CNTNAP4: variants seen among roughly 807,000 people sequenced by gnomAD.
CNTNAP4 encodes the protein contactin-associated protein-like 4.
CNTNAP4 carries 98 observed loss-of-function variants against 148.4 expected under a neutral mutation model. The ratio of observed to expected loss-of-function variants is 0.66; its 90% CI spans 0.56 to 0.78. CNTNAP4 has a LOEUF of 0.78. Ranked by LOEUF, CNTNAP4 falls within the 30% of genes least tolerant of loss-of-function variation. The pLI, the probability that CNTNAP4 is intolerant of heterozygous loss-of-function variation, is 0.00. For missense variants in CNTNAP4, 1,935 were observed against 1,565.6 expected, an observed-to-expected ratio of 1.24 and a Z score of -3.98; for synonymous variants, 730 against 565.1, an observed-to-expected ratio of 1.29 and a Z score of -4.14.
chr16:76,427,685 A>T (rs1005004682), intron 4 of CNTNAP4, 86 bp downstream of exon 4: 8 of 1,299,516 alleles, frequency 6.2e-6, no homozygotes, highest in Non-Finnish European at 7.3e-6. Flanking sequence ...TGGACTTTTT[A>T]GCTACATAAA....
intron 1 of CNTNAP4, among the ~76,000 whole-genome samples, chr16:76,294,321 T>A (rs1959186973): frequency 6.6e-6 from 1 of 152,220 alleles, no homozygotes; most frequent in Admixed American, 6.5e-5. Context: ...TGGTAACCTG[T>A]GTGTTTCCTC....
chr16:76,490,783 A>AT (rs1373618608), intron 13 of CNTNAP4, among the ~76,000 whole-genome samples: 1 of 152,030 alleles, frequency 6.6e-6, no homozygotes, highest in Non-Finnish European at 1.5e-5. Flanking sequence ...CACCCTGCCT[A>AT]TACAACCCTC....
intron 4 of CNTNAP4, among the ~76,000 whole-genome samples, chr16:76,435,569 C>T (rs1384734459): frequency 6.6e-6 from 1 of 152,134 alleles, no homozygotes; most frequent in Non-Finnish European, 1.5e-5. Flanking sequence ...TTCAAAGATG[C>T]AGATGCTGCC....
chr16:76,491,273 A>G (rs12446924), intron 13 of CNTNAP4, among the ~76,000 whole-genome samples: 28,742 of 152,128 alleles, frequency 0.19, 2,970 homozygotes, highest in Admixed American at 0.32. Flanking sequence ...TGAGGATCAG[A>G]CAGTTGTAGT....
intron 15 of CNTNAP4, among the ~76,000 whole-genome samples, chr16:76,513,152 C>T (rs889853663): frequency 1.5e-4 from 23 of 152,056 alleles, no homozygotes; most frequent in African/African-American, 5.3e-4. Context: ...GCATTGTGGA[C>T]GGTTAATTCA....
chr16:76,413,031 A>G (rs1453531214), intron 3 of CNTNAP4, among the ~76,000 whole-genome samples: 1 of 151,384 alleles, frequency 6.6e-6, no homozygotes, highest in Non-Finnish European at 1.5e-5. Flanking sequence ...ATGTTTTGAT[A>G]CATGCATGCA....
At chr16:76,452,449 C>G (rs1377863439) in intron 7 of CNTNAP4, 59 bp from the exon 8 acceptor site, 4 of 1,552,006 alleles carry the variant, frequency 2.6e-6, no homozygotes, top group Non-Finnish European at 3.5e-6. Flanking sequence ...CCTTCAAATT[C>G]TGTTACTAAT....
chr16:76,334,187 TAATAA>T (rs1963814966), intron 2 of CNTNAP4, among the ~76,000 whole-genome samples: 1 of 151,186 alleles, frequency 6.6e-6, no homozygotes, highest in Non-Finnish European at 1.5e-5. Flanking sequence ...ATAATAATAA[TAATAA>T]TAATAATAAT....
chr16:76,474,613 G>T (rs533130786), intron 10 of CNTNAP4, among the ~76,000 whole-genome samples: 17 of 151,962 alleles, frequency 1.1e-4, no homozygotes, highest in Non-Finnish European at 1.8e-4. Context: ...TTATTTAGTC[G>T]TTAATCTGTA....
At chr16:76,409,360 A>G (rs2144903252) in intron 3 of CNTNAP4, among the ~76,000 whole-genome samples, 1 of 152,122 alleles carries the variant, frequency 6.6e-6, no homozygotes, top group Admixed American at 6.6e-5. Flanking sequence ...CATCATTAAA[A>G]TAACATGCAA....
At chr16:76,448,450 C>A (rs542191662) in intron 5 of CNTNAP4, among the ~76,000 whole-genome samples, 2 of 152,110 alleles carry the variant, frequency 1.3e-5, no homozygotes, top group African/African-American at 4.8e-5. Context: ...TATTTTCTAA[C>A]ATCATAAAGG....
chr16:76,518,854 C>T (rs765315430), intron 15 of CNTNAP4, among the ~76,000 whole-genome samples: 6 of 152,270 alleles, frequency 3.9e-5, no homozygotes, highest in Admixed American at 6.5e-5. Flanking sequence ...TTTCCCCCTC[C>T]GCCATTTCCT....
At chr16:76,363,079 T>C (rs899942038) in intron 3 of CNTNAP4, among the ~76,000 whole-genome samples, 1 of 147,946 alleles carries the variant, frequency 6.8e-6, no homozygotes, top group Non-Finnish European at 1.5e-5. Context: ...AAATAGACAA[T>C]GGGGAATGTA....
chr16:76,359,736 G>A (rs1173758003), intron 3 of CNTNAP4, among the ~76,000 whole-genome samples: 1 of 152,092 alleles, frequency 6.6e-6, no homozygotes, highest in Non-Finnish European at 1.5e-5. Flanking sequence ...TTCAGAAAAT[G>A]CAAGCTAAAC....
chr16:76,476,404 A>G (rs1313576542), intron 11 of CNTNAP4, among the ~76,000 whole-genome samples: 1 of 152,170 alleles, frequency 6.6e-6, no homozygotes, highest in Non-Finnish European at 1.5e-5. Context: ...AATTCTTACT[A>G]TTCATACAAT....
In CNTNAP4 at chr16:76,277,588, A is replaced by C; in HGVS notation, c.-75A>C. Reference sequence around the variant, plus strand: ...GGCTGAAGACCCAGACAGAGCTGGCAGAGCTACTGAGAAGAGGACTGGAGC... The same window carrying C: ...GGCTGAAGACCCAGACAGAGCTGGCCGAGCTACTGAGAAGAGGACTGGAGC... On this transcript the variant is annotated 5_prime_UTR_variant, in exon 1 of 24. Transcript: ENST00000611870. 8 of 957,638 alleles carry C rather than the reference A, an allele frequency of 8.4e-6. No individual in the cohort carries two copies. Among genetic ancestry groups the C allele is most frequent in the Non-Finnish European group, 1.3e-5 (8 of 608,992 alleles). 59.3% of individuals were successfully genotyped at this position (957,638 alleles called of 1,614,324 possible).
intron 1 of CNTNAP4, among the ~76,000 whole-genome samples, chr16:76,280,082 A>G (rs1447529355): frequency 2.0e-5 from 3 of 152,242 alleles, no homozygotes; most frequent in African/African-American, 4.8e-5. Flanking sequence ...AAAGTGAGTC[A>G]GTCTTGACTA....
chr16:76,324,460 A>C (rs984923226), intron 2 of CNTNAP4, among the ~76,000 whole-genome samples: 6 of 152,184 alleles, frequency 3.9e-5, no homozygotes, highest in African/African-American at 1.4e-4. Flanking sequence ...CAAGTGATTT[A>C]TGAGGGCATA....
intron 7 of CNTNAP4, among the ~76,000 whole-genome samples, chr16:76,450,578 A>G (rs1384825430): frequency 6.6e-6 from 1 of 152,248 alleles, no homozygotes; most frequent in East Asian, 1.9e-4. Context: ...TGCCATAGTC[A>G]TTCATGATAA....
Sources: gnomAD v4.1 joint callset for allele counts (sites outside exome capture counted in the v4.1 genomes callset) on GRCh38, gnomAD v4.1.1 for gene constraint, MANE v1.5 for transcripts, NCBI Gene and HGNC (gene_info 2026-07-23, HGNC 2026-07-21) for gene names.